Variants in GNA15 observed in about 807,000 individuals in gnomAD.
GNA15 encodes guanine nucleotide-binding protein subunit alpha-15.
In GNA15, 23 loss-of-function variants were observed where a neutral mutation model predicts 40.1. That is an observed-to-expected ratio of 0.57 (90% CI 0.41 to 0.81). The LOEUF (loss-of-function observed/expected upper bound fraction) is 0.81. Among genes scored for constraint, GNA15 ranks in the 40% least tolerant of loss-of-function variants. The probability of loss-of-function intolerance (pLI) is 0.00; values close to 1 mark genes in which losing one functional copy is unlikely to be tolerated. For missense variants in GNA15, 522 were observed against 515.8 expected (o/e 1.01, Z -0.12); for synonymous variants, 226 against 210.4 (o/e 1.07, Z -0.64).
Position 3,157,929 on chromosome 19 carries a change from T to G in GNA15, c.898+48T>G, listed in dbSNP as rs754833061. 4.1e-6 allele frequency: 6 copies of G among 1,447,622 alleles called. No homozygotes were observed. In the South Asian group the frequency reaches 6.9e-5, roughly 17 times the overall value. The allele number at this position is 1,447,622 out of a possible 1,614,324, so 89.7% of individuals were successfully genotyped here. On this transcript the variant is annotated intron_variant, in intron 6 of 6. Transcript: ENST00000262958. ...ATACCCTTCAACTCCCAAAAGCAGC[T>G]CCGAAGAGAGATGCTAATCCAGACT...
At chr19:3,142,432 T>C (rs1021319425) in intron 1 of GNA15, 14 of 152,118 alleles carry the variant, frequency 9.2e-5, no homozygotes, top group African/African-American at 3.1e-4. Flanking sequence ...ATTTATTTCC[T>C]ATAACAAAGC....
intron 2 of GNA15, 125 bp downstream of exon 2, chr19:3,148,900 G>C: frequency 1.0e-6 from 1 of 980,972 alleles, no homozygotes. Flanking sequence ...GGGCAGGCAG[G>C]GAAGGGTCCC....
intron 3 of GNA15, among the ~76,000 whole-genome samples, chr19:3,150,762 TG>T (rs1408621994): frequency 1.3e-5 from 2 of 151,458 alleles, no homozygotes; most frequent in Admixed American, 6.6e-5. Context: ...ACCCTGTTCT[TG>T]GGGGGAACCC....
intron 1 of GNA15, among the ~76,000 whole-genome samples, chr19:3,141,110 G>A (rs1158611785): frequency 6.6e-6 from 1 of 151,984 alleles, no homozygotes; most frequent in Non-Finnish European, 1.5e-5. Flanking sequence ...GGTGGGGGTG[G>A]GTCTGTCCCT....
At chr19:3,149,873 G>A (rs1395277761) in intron 2 of GNA15, 3 of 417,402 alleles carry the variant, frequency 7.2e-6, no homozygotes, top group Non-Finnish European at 1.3e-5. Context: ...TGCTCCCCCT[G>A]AGCCTGGGCT....
intron 4 of GNA15, among the ~76,000 whole-genome samples, chr19:3,154,132 A>G (rs1176224186): frequency 3.4e-5 from 5 of 146,410 alleles, no homozygotes; most frequent in Admixed American, 6.8e-5. Context: ...GAATAGATGG[A>G]TGGGTGGATG....
In GNA15 at chr19:3,147,144, C is replaced by T. The variant is rs184780604; in HGVS notation, c.146-1447C>T. On this transcript the variant is annotated intron_variant, in intron 1 of 6. Transcript: ENST00000262958. ...AGGCCTTCCTTGACTGCGTGGCTAT[C>T]GTAGTCACCTAATTACTCCTTGCCC... Among the ~76,000 whole-genome samples the T allele has an allele frequency of 2.2e-4, 34 of 152,322 alleles. No individual in the cohort carries two copies. The East Asian group carries it at 5.0e-3, about 22-fold the overall frequency.
intron 3 of GNA15, among the ~76,000 whole-genome samples, chr19:3,150,991 G>A (rs1046572468): frequency 1.3e-5 from 2 of 150,566 alleles, no homozygotes; most frequent in African/African-American, 4.9e-5. Flanking sequence ...TCCTAGGGGT[G>A]ATCCTGTTCC....
chr19:3,156,084 C>T (rs1307344561), intron 5 of GNA15, 132 bp downstream of exon 5: 1 of 815,692 alleles, frequency 1.2e-6, no homozygotes, highest in East Asian at 2.8e-5. Context: ...TGGCTATGAA[C>T]TTGACCCTTC....
intron 1 of GNA15, among the ~76,000 whole-genome samples, chr19:3,143,768 A>G (rs1047405244): frequency 1.6e-4 from 24 of 152,266 alleles, no homozygotes; most frequent in African/African-American, 5.8e-4. Flanking sequence ...TGCGACCCAC[A>G]GCAATTCCCT....
At position 3,159,056 on chromosome 19, in the gene GNA15, G is replaced by A. The variant is rs576492829; in HGVS notation, c.898+1175G>A. 5.9e-5 allele frequency among the ~76,000 whole-genome samples: 9 copies of A among 151,364 alleles called. No homozygotes were observed. In the East Asian group the frequency reaches 1.8e-3, roughly 30 times the overall value. On this transcript the variant is annotated intron_variant, in intron 6 of 6. Transcript: ENST00000262958. ...TGTTTGTTTTTTGAGACGGAGTCTC[G>A]CTCTGCTGCCCAGGCTGGAGTGCAG... is the stretch of plus-strand genomic sequence containing the variant.
intron 5 of GNA15, 74 bp downstream of exon 5, chr19:3,156,026 A>G (rs1915006062): frequency 1.4e-6 from 2 of 1,401,330 alleles, no homozygotes; most frequent in Non-Finnish European, 2.0e-6. Context: ...GCTCTGGTGC[A>G]GAAAGGGAGG....
At position 3,150,250 on chromosome 19, in the gene GNA15, T is replaced by G; in HGVS notation, c.450T>G (p.Arg150=). 4 of 1,606,368 alleles carry G rather than the reference T, an allele frequency of 2.5e-6. No individual in the cohort carries two copies. Among genetic ancestry groups the G allele is most frequent in the Non-Finnish European group, 3.4e-6 (4 of 1,176,648 alleles). ...RDAGIRACYE[R]RREFHLLDSA... ...CCGGCATCCGGGCCTGCTATGAGCG[T>G]CGGCGGGAATTCCACCTGCTCGATT... The change falls in exon 3 of 7, where the codon CGT becomes CGG. Residue 150 remains arginine (R), a synonymous_variant. Transcript: ENST00000262958.
chr19:3,145,422 G>A lies in GNA15; in HGVS notation c.146-3169G>A, dbSNP rs114485525. 7.8e-3 allele frequency among the ~76,000 whole-genome samples: 1,025 copies of A among 131,690 alleles called. 20 individuals are homozygous for A. The highest frequency in any genetic ancestry group is 0.028 in the African/African-American group (977 of 35,178). 86.4% of individuals were successfully genotyped at this position (131,690 alleles called of 152,430 possible). On this transcript the variant is annotated intron_variant, in intron 1 of 6. Coordinates refer to ENST00000262958, the MANE Select transcript of GNA15 (RefSeq NM_002068.4). Reference sequence around the variant, plus strand: ...GCCCAGGGTGGTCTTGAACTCCTTGGCCCAAGCCGCCCCCCTCCCTTAGCT... The same window carrying A: ...GCCCAGGGTGGTCTTGAACTCCTTGACCCAAGCCGCCCCCCTCCCTTAGCT...
At chr19:3,150,700 G>A (rs1914860259) in intron 3 of GNA15, among the ~76,000 whole-genome samples, 1 of 151,980 alleles carries the variant, frequency 6.6e-6, no homozygotes, top group Non-Finnish European at 1.5e-5. Context: ...TTCCTGCGAG[G>A]ACCCTGTTTC....
intron 2 of GNA15, chr19:3,149,185 A>C: frequency 5.3e-6 from 1 of 187,146 alleles, no homozygotes; most frequent in Non-Finnish European, 1.1e-5. Flanking sequence ...ATGCACACAA[A>C]TAAGTGCACA....
chr19:3,163,387 T>G lies in GNA15; in HGVS notation c.*368T>G. On this transcript the variant is annotated 3_prime_UTR_variant, in exon 7 of 7. Transcript: ENST00000262958. ...CCTCCTGGGCAGGGTTCTGGGACCC[T>G]CTGTGGGTGACGCACACCCTGGGAT... 2 of 325,390 alleles carry G rather than the reference T, an allele frequency of 6.1e-6. No individual in the cohort carries two copies. The highest frequency in any genetic ancestry group is 7.3e-5 in the East Asian group (1 of 13,784). 20.2% of individuals were successfully genotyped at this position (325,390 alleles called of 1,614,324 possible). A position where few individuals can be genotyped will look rare whatever the true frequency, so the allele number is the denominator to read the frequency against.
chr19:3,136,442 C>T lies in GNA15; in HGVS notation c.-9C>T, dbSNP rs1403954752. The T allele has an allele frequency of 1.3e-6, 2 of 1,547,982 alleles. No individual in the cohort carries two copies. The highest frequency in any genetic ancestry group is 1.2e-5 in the South Asian group (1 of 83,910). On this transcript the variant is annotated 5_prime_UTR_variant, in exon 1 of 7. Transcript: ENST00000262958. This position sits in a 1 kb window ranked among gnomAD's most constrained non-coding sequence, Gnocchi z 4.9. ...GATGCCACCCGGTGCCGACTGAGGC[C>T]ACCGCACCATGGCCCGCTCGCTGAC...
At chr19:3,148,811 C>G in intron 2 of GNA15, 36 bp downstream of exon 2, 1 of 1,541,238 alleles carries the variant, frequency 6.5e-7, no homozygotes. Context: ...CCAGGGCAGG[C>G]AGGGGCCCAG....
Sources: gnomAD v4.1 joint callset for allele counts (sites outside exome capture counted in the v4.1 genomes callset) on GRCh38, gnomAD v4.1.1 for gene constraint, Gnocchi (gnomAD v3.1) non-coding constraint, MANE v1.5 for transcripts, NCBI Gene and HGNC (gene_info 2026-07-23, HGNC 2026-07-21) for gene names.